Variants in SLC24A3 observed in about 807,000 individuals in gnomAD.
SLC24A3 encodes solute carrier family 24 member 3.
Under a neutral mutation model 75.8 loss-of-function variants are expected in SLC24A3, and 28 were observed. That is an observed-to-expected ratio of 0.37 (90% CI 0.27 to 0.51). The LOEUF is 0.51. SLC24A3 is among the 20% of genes least tolerant of loss of function. The pLI, the probability that SLC24A3 is intolerant of heterozygous loss-of-function variation, is 0.94. For synonymous variants in SLC24A3, 372 were observed against 334.1 expected, an observed-to-expected ratio of 1.11 and a Z score of -1.24; for missense variants, 663 against 847.8, an observed-to-expected ratio of 0.78 and a Z score of 2.71.
intron 7 of SLC24A3, among the ~76,000 whole-genome samples, chr20:19,656,544 C>G (rs2032268952): frequency 6.6e-6 from 1 of 152,236 alleles, no homozygotes; most frequent in South Asian, 2.1e-4. Context: ...CTTCATCCTT[C>G]TATGCACAAA....
chr20:19,319,673 A>G (rs981809031), intron 2 of SLC24A3, among the ~76,000 whole-genome samples: 1 of 152,234 alleles, frequency 6.6e-6, no homozygotes, highest in Non-Finnish European at 1.5e-5. Context: ...GTGAGATTTT[A>G]GCTCTTGGAG....
chr20:19,213,069 C>A, intron 1 of SLC24A3, 85 bp downstream of exon 1: 2 of 1,128,184 alleles, frequency 1.8e-6, no homozygotes, highest in South Asian at 4.3e-5. Flanking sequence ...CTCCTTCGGG[C>A]GGCCCGGCCG....
chr20:19,589,468 A>G (rs1417562955), intron 6 of SLC24A3, among the ~76,000 whole-genome samples: 1 of 152,200 alleles, frequency 6.6e-6, no homozygotes, highest in East Asian at 1.9e-4. Flanking sequence ...CCCCCAGGCA[A>G]AGAGATCTAG....
intron 2 of SLC24A3, among the ~76,000 whole-genome samples, chr20:19,412,115 T>G (rs1986752979): frequency 6.6e-6 from 1 of 152,178 alleles, no homozygotes; most frequent in African/African-American, 2.4e-5. Context: ...AATTCTGAAC[T>G]CCAGTAATTC....
At chr20:19,249,926 A>G (rs1982600831) in intron 1 of SLC24A3, among the ~76,000 whole-genome samples, 1 of 152,222 alleles carries the variant, frequency 6.6e-6, no homozygotes, top group Admixed American at 6.5e-5. Flanking sequence ...AAGACTGCCT[A>G]TGCTCAGCAT....
chr20:19,499,457 T>C (rs1988352393), intron 2 of SLC24A3, among the ~76,000 whole-genome samples: 2 of 152,130 alleles, frequency 1.3e-5, no homozygotes, highest in African/African-American at 4.8e-5. Flanking sequence ...AAACAAACTC[T>C]CTCATGACTC....
chr20:19,311,095 A>C (rs565023296), intron 2 of SLC24A3, among the ~76,000 whole-genome samples: 2 of 108,492 alleles, frequency 1.8e-5, no homozygotes, highest in Non-Finnish European at 2.0e-5. Context: ...CCTTCCCTTC[A>C]TTTTTTCCTT....
intron 15 of SLC24A3, among the ~76,000 whole-genome samples, chr20:19,700,577 G>T (rs771754659): frequency 2.0e-5 from 3 of 152,140 alleles, no homozygotes; most frequent in Non-Finnish European, 2.9e-5. Context: ...AGCTCTAGAG[G>T]ATTAAATGAC....
chr20:19,273,660 GCCCCAGGA>G (rs1568574972), intron 1 of SLC24A3, among the ~76,000 whole-genome samples: 1 of 152,082 alleles, frequency 6.6e-6, no homozygotes, highest in African/African-American at 2.4e-5. Flanking sequence ...CTCTGGTCCA[GCCCCAGGA>G]GGTGCCAATG....
chr20:19,715,829 TC>T (rs2033039895), intron 15 of SLC24A3, among the ~76,000 whole-genome samples: 1 of 152,166 alleles, frequency 6.6e-6, no homozygotes, highest in Non-Finnish European at 1.5e-5. Flanking sequence ...TCAACCAGCC[TC>T]ACTTTCCCTT....
intron 2 of SLC24A3, among the ~76,000 whole-genome samples, chr20:19,412,461 G>A (rs1427801871): frequency 6.6e-6 from 1 of 151,936 alleles, no homozygotes; most frequent in East Asian, 1.9e-4. Flanking sequence ...AAGAGGAAGA[G>A]TAAATAAGGA....
At chr20:19,592,944 T>G (rs1600294291) in intron 6 of SLC24A3, among the ~76,000 whole-genome samples, 1 of 151,936 alleles carries the variant, frequency 6.6e-6, no homozygotes, top group East Asian at 1.9e-4. Context: ...TACAGGTGCC[T>G]GCCACCATGC....
At chr20:19,238,023 CT>C (rs35912321) in intron 1 of SLC24A3, among the ~76,000 whole-genome samples, 1 of 152,134 alleles carries the variant, frequency 6.6e-6, no homozygotes, top group African/African-American at 2.4e-5. Flanking sequence ...TTTTTTAAAA[CT>C]TTTTTTAAAG....
intron 2 of SLC24A3, among the ~76,000 whole-genome samples, chr20:19,337,676 G>A (rs1375754755): frequency 1.3e-5 from 2 of 152,120 alleles, no homozygotes; most frequent in Non-Finnish European, 2.9e-5. Context: ...GCTAAAACAT[G>A]GTCGTTTCTA....
At chr20:19,275,924 C>A (rs1353646017) in intron 1 of SLC24A3, among the ~76,000 whole-genome samples, 1 of 152,150 alleles carries the variant, frequency 6.6e-6, no homozygotes, top group Non-Finnish European at 1.5e-5. Flanking sequence ...CCTACCCCTC[C>A]CCTGACTAAT....
intron 3 of SLC24A3, among the ~76,000 whole-genome samples, chr20:19,550,196 G>A (rs2030667823): frequency 6.6e-6 from 1 of 152,060 alleles, no homozygotes. Flanking sequence ...CTGTTTTAGA[G>A]GCAGCTCAAG....
chr20:19,390,385 G>T (rs901017631), intron 2 of SLC24A3, among the ~76,000 whole-genome samples: 5 of 152,140 alleles, frequency 3.3e-5, no homozygotes, highest in Non-Finnish European at 7.4e-5. Flanking sequence ...GTGGTCCATG[G>T]GTGGGCTTGC....
At chr20:19,678,667 A>G (rs2032565342) in intron 9 of SLC24A3, among the ~76,000 whole-genome samples, 1 of 139,722 alleles carries the variant, frequency 7.2e-6, no homozygotes, top group Non-Finnish European at 1.5e-5. Flanking sequence ...CCTCCCGGAC[A>G]CGGCGGCTGC....
At chr20:19,351,738 A>G (rs1985570509) in intron 2 of SLC24A3, among the ~76,000 whole-genome samples, 1 of 152,126 alleles carries the variant, frequency 6.6e-6, no homozygotes. Flanking sequence ...AGTTTCCACC[A>G]GGTGGTTAGT....
Sources: allele counts gnomAD v4.1 joint callset (sites outside exome capture counted in the v4.1 genomes callset), GRCh38; gene constraint gnomAD v4.1.1; transcripts MANE v1.5; gene names NCBI Gene and HGNC (gene_info 2026-07-23, HGNC 2026-07-21).